Variants in DOCK3 observed in about 807,000 individuals in gnomAD.
The protein encoded by DOCK3 is dedicator of cytokinesis 3.
A neutral mutation model predicts 265.6 loss-of-function variants in DOCK3; 60 were observed. That is an observed-to-expected ratio of 0.23 (90% CI 0.18 to 0.28). The LOEUF is 0.28. Among genes scored for constraint, DOCK3 ranks in the 10% least tolerant of loss-of-function variants. DOCK3 has a pLI of 1.00. For synonymous variants in DOCK3, 881 were observed against 938.0 expected (o/e 0.94, Z 1.11); for missense variants, 1,981 against 2,594.3 (o/e 0.76, Z 5.14).
At chr3:50,704,194 A>G (rs2036238418) in intron 1 of DOCK3, among the ~76,000 whole-genome samples, 1 of 152,180 alleles carries the variant, frequency 6.6e-6, no homozygotes, top group Non-Finnish European at 1.5e-5. Context: ...GGCCTAACGT[A>G]TGGTCTATCC....
chr3:50,815,650 A>G (rs1371878511), intron 2 of DOCK3, among the ~76,000 whole-genome samples: 2 of 151,934 alleles, frequency 1.3e-5, no homozygotes, highest in African/African-American at 4.8e-5. Context: ...TGAATGCCTG[A>G]AAAGATCTTT....
At chr3:50,701,202 C>T (rs2036020698) in intron 1 of DOCK3, among the ~76,000 whole-genome samples, 1 of 148,712 alleles carries the variant, frequency 6.7e-6, no homozygotes. Flanking sequence ...AGGATCATGG[C>T]TCACTGCAGC....
chr3:50,920,746 C>T (rs1230875732), intron 4 of DOCK3, among the ~76,000 whole-genome samples: 1 of 152,148 alleles, frequency 6.6e-6, no homozygotes, highest in Non-Finnish European at 1.5e-5. Flanking sequence ...GTGTCTATCT[C>T]CTTCAGTTCT....
chr3:50,724,178 TAAA>T (rs59061824), intron 1 of DOCK3, among the ~76,000 whole-genome samples: 8,537 of 152,140 alleles, frequency 0.056, 857 homozygotes, highest in East Asian at 0.33. Flanking sequence ...TGGCGATCAT[TAAA>T]AAGTCAGGAA....
chr3:50,882,107 G>T (rs563722158), intron 3 of DOCK3, among the ~76,000 whole-genome samples: 1 of 152,012 alleles, frequency 6.6e-6, no homozygotes, highest in South Asian at 2.1e-4. Context: ...CCTTTTACAA[G>T]AATTAATTCA....
At chr3:51,324,717 A>T (rs1191442487) in intron 32 of DOCK3, among the ~76,000 whole-genome samples, 1 of 152,180 alleles carries the variant, frequency 6.6e-6, no homozygotes, top group Non-Finnish European at 1.5e-5. Flanking sequence ...ACCAAAACAG[A>T]TATATAGACC....
At chr3:50,954,413 C>T (rs954802500) in intron 5 of DOCK3, among the ~76,000 whole-genome samples, 38 of 152,228 alleles carry the variant, frequency 2.5e-4, no homozygotes, top group African/African-American at 8.9e-4. Context: ...GGTTTAAATC[C>T]TATCTAGGTC....
In DOCK3 at chr3:50,900,875, T is replaced by C. The variant is rs2049154772; in HGVS notation, c.218+10794T>C. On this transcript the variant is annotated intron_variant, in intron 4 of 52. Transcript: ENST00000266037. Reference sequence around the variant, plus strand: ...TTGTCCCAGAGGGGCACCCACCAGATGCCAGCCAGAGCTCTCCTGTATGAG... The same window carrying C: ...TTGTCCCAGAGGGGCACCCACCAGACGCCAGCCAGAGCTCTCCTGTATGAG... 23 of 424,198 alleles carry C rather than the reference T, an allele frequency of 5.4e-5. 1 individual carries two copies. Among genetic ancestry groups the C allele is most frequent in the South Asian group, 3.9e-4 (23 of 58,544 alleles). The allele number at this position is 424,198 out of a possible 1,614,324, so 26.3% of individuals were successfully genotyped here. A position where few individuals can be genotyped will look rare whatever the true frequency, so the allele number is the denominator to read the frequency against.
intron 22 of DOCK3, among the ~76,000 whole-genome samples, chr3:51,250,134 G>GCGGAAGGC (rs2079122717): frequency 6.6e-6 from 1 of 151,746 alleles, no homozygotes; most frequent in South Asian, 2.1e-4. Flanking sequence ...CACAAATGCT[G>GCGGAAGGC]CGGAAGGCCG....
At chr3:50,713,212 T>C (rs1303960660) in intron 1 of DOCK3, among the ~76,000 whole-genome samples, 1 of 152,226 alleles carries the variant, frequency 6.6e-6, no homozygotes, top group East Asian at 1.9e-4. Context: ...ATGGGTTAGC[T>C]TAAAACCATT....
rs2079295360 is a variant in DOCK3, at chr3:51,016,685, C to CATATAATATATAAATATATATT, written c.316-47757_316-47736dup. Among the ~76,000 whole-genome samples, 2 of 24,616 alleles carry CATATAATATATAAATATATATT rather than the reference C, an allele frequency of 8.1e-5. 1 individual carries two copies. Among genetic ancestry groups the CATATAATATATAAATATATATT allele is most frequent in the African/African-American group, 2.8e-4 (2 of 7,074 alleles). 16.1% of individuals were successfully genotyped at this position (24,616 alleles called of 152,430 possible). A position where few individuals can be genotyped will look rare whatever the true frequency, so the allele number is the denominator to read the frequency against. On this transcript the variant is annotated intron_variant, in intron 5 of 52. Transcript: ENST00000266037. ...TATTATATGATATATATTTATATAT[C>CATATAATATATAAATATATATT]ATATAATATATAAATATATATTATA...
chr3:50,881,580 G>A (rs868325770), intron 3 of DOCK3, among the ~76,000 whole-genome samples: 2 of 152,116 alleles, frequency 1.3e-5, no homozygotes, highest in Non-Finnish European at 2.9e-5. Flanking sequence ...ACCTCTTCAA[G>A]GATAACTACA....
chr3:50,853,794 G>A (rs1374171525), intron 3 of DOCK3, among the ~76,000 whole-genome samples: 3 of 151,924 alleles, frequency 2.0e-5, no homozygotes, highest in South Asian at 2.1e-4. Flanking sequence ...GTATCTTTTC[G>A]ATAAAACAGT....
intron 4 of DOCK3, among the ~76,000 whole-genome samples, chr3:50,931,453 T>C (rs116486450): frequency 0.011 from 1,722 of 152,284 alleles, 43 homozygotes; most frequent in African/African-American, 0.039. Context: ...CCTAATTATC[T>C]CTGCAGCATT....
intron 5 of DOCK3, among the ~76,000 whole-genome samples, chr3:51,027,116 GT>G (rs1490447357): frequency 1.3e-5 from 2 of 151,972 alleles, no homozygotes; most frequent in Non-Finnish European, 2.9e-5. Context: ...ATTTAGCACT[GT>G]TTTTGCTGCA....
chr3:50,818,681 G>A (rs2044235599), intron 2 of DOCK3, among the ~76,000 whole-genome samples: 1 of 152,198 alleles, frequency 6.6e-6, no homozygotes, highest in Non-Finnish European at 1.5e-5. Context: ...GGAAGGGAGA[G>A]GGGAGAAGAG....
chr3:50,864,914 T>C (rs910064977), intron 3 of DOCK3, among the ~76,000 whole-genome samples: 6 of 152,214 alleles, frequency 3.9e-5, no homozygotes, highest in Admixed American at 3.9e-4. Flanking sequence ...CAGCAGTAGC[T>C]ATTTGGGGTC....
At chr3:51,333,100 T>A in intron 34 of DOCK3, 58 bp from the exon 35 acceptor site, 5 of 1,613,780 alleles carry the variant, frequency 3.1e-6, no homozygotes, top group Non-Finnish European at 4.2e-6. Context: ...GACTTCACTC[T>A]TGTGCCCAGG....
At chr3:50,906,717 T>C (rs1225767483) in intron 4 of DOCK3, among the ~76,000 whole-genome samples, 2 of 152,094 alleles carry the variant, frequency 1.3e-5, no homozygotes, top group Non-Finnish European at 2.9e-5. Flanking sequence ...CCTGGCTTCA[T>C]TGATTTTTTT....
Sources: gnomAD v4.1 joint callset for allele counts (sites outside exome capture counted in the v4.1 genomes callset) on GRCh38, gnomAD v4.1.1 for gene constraint, MANE v1.5 for transcripts, NCBI Gene and HGNC (gene_info 2026-07-23, HGNC 2026-07-21) for gene names.